PARVB: variants seen among roughly 807,000 people sequenced by gnomAD.
PARVB encodes the protein beta-parvin.
Under a neutral mutation model 47.0 loss-of-function variants are expected in PARVB, and 46 were observed. The ratio of observed to expected loss-of-function variants is 0.98; its 90% CI spans 0.77 to 1.25. The LOEUF is 1.25. Ranked by LOEUF, PARVB falls within the 50% of genes most tolerant of loss-of-function variation. The pLI is 0.00. For missense variants in PARVB, 473 were observed against 471.6 expected (o/e 1.00, Z -0.03); for synonymous variants, 196 against 196.3 (o/e 1.00, Z 0.01).
intron 1 of PARVB, among the ~76,000 whole-genome samples, chr22:44,043,727 A>G (rs1213116263): frequency 6.6e-6 from 1 of 152,176 alleles, no homozygotes; most frequent in Non-Finnish European, 1.5e-5. Context: ...ATTCTGTCTC[A>G]ATAAAGCTGG....
In PARVB at chr22:44,068,021, C is replaced by T. The variant is rs543792981; in HGVS notation, c.113-25907C>T. ...GGAGTGGGCCAGGCATGTCCCAGTC[C>T]ACTGCCTGCCCCAGAGCCCCGCCTG... On this transcript the variant is annotated intron_variant, in intron 1 of 12. Coordinates refer to ENST00000338758, the MANE Select transcript of PARVB (RefSeq NM_013327.5). This position sits in a 1 kb window ranked among gnomAD's most constrained non-coding sequence, Gnocchi z 4.1. Among the ~76,000 whole-genome samples the T allele has an allele frequency of 4.6e-5, 7 of 152,270 alleles. No individual in the cohort carries two copies. The highest frequency in any genetic ancestry group is 1.4e-4 in the African/African-American group (6 of 41,564).
upstream of PARVB, among the ~76,000 whole-genome samples, chr22:44,020,261 C>T (rs1174207710): frequency 6.6e-6 from 1 of 151,734 alleles, no homozygotes. Context: ...ACTGCAACCT[C>T]GACCTCCTGG....
At chr22:44,019,836 A>T (rs77778074), upstream of PARVB, among the ~76,000 whole-genome samples, 1 of 152,234 alleles carries the variant, frequency 6.6e-6, no homozygotes, top group African/African-American at 2.4e-5. Flanking sequence ...TTGAATTTCA[A>T]TATGGGGTTT....
intron 1 of PARVB, among the ~76,000 whole-genome samples, chr22:44,031,773 T>G (rs1264760586): frequency 6.6e-6 from 1 of 152,158 alleles, no homozygotes; most frequent in Admixed American, 6.5e-5. Context: ...GGGTGTTTAT[T>G]GGATGTAAGT....
At chr22:44,146,516 G>A (rs2053687466) in intron 8 of PARVB, 1 of 152,374 alleles carries the variant, frequency 6.6e-6, no homozygotes, top group Non-Finnish European at 1.5e-5. Context: ...GCCACGGAAG[G>A]GGCTACTTGG....
At chr22:44,141,387 C>T (rs377077913) in intron 8 of PARVB, 5 of 152,372 alleles carry the variant, frequency 3.3e-5, no homozygotes, top group African/African-American at 1.2e-4. Flanking sequence ...AGCTGTAGAA[C>T]CTGGAGTTTG....
chr22:44,027,084 G>T (rs13057455), intron 1 of PARVB, among the ~76,000 whole-genome samples: 23,462 of 151,946 alleles, frequency 0.15, 1,945 homozygotes, highest in Admixed American at 0.2. Flanking sequence ...TGGTGGCCTG[G>T]GTCAGAAAAG....
At chr22:44,143,803 G>T (rs971998317) in intron 8 of PARVB, 1 of 152,488 alleles carries the variant, frequency 6.6e-6, no homozygotes, top group African/African-American at 2.4e-5. Flanking sequence ...TTCTCCGCGG[G>T]CGGCCCTTCC....
chr22:44,036,032 C>A (rs891823538), intron 1 of PARVB, among the ~76,000 whole-genome samples: 11 of 151,924 alleles, frequency 7.2e-5, no homozygotes, highest in Non-Finnish European at 1.6e-4. Context: ...CCGAGGCGGG[C>A]GGATCACTTA....
intron 2 of PARVB, among the ~76,000 whole-genome samples, chr22:44,005,245 G>T (rs141348002): frequency 1.5e-3 from 220 of 150,496 alleles, no homozygotes; most frequent in African/African-American, 5.0e-3. Context: ...GACTATAGGC[G>T]TGTGCCACCG....
chr22:44,078,185 C>T (rs2051820676), intron 1 of PARVB, among the ~76,000 whole-genome samples: 1 of 152,178 alleles, frequency 6.6e-6, no homozygotes. Flanking sequence ...CTGTGTTGAA[C>T]TGGCTGGACA....
chr22:44,024,486 A>G (rs1314867265), intron 1 of PARVB, 35 bp downstream of exon 1: 28 of 1,096,212 alleles, frequency 2.6e-5, no homozygotes, highest in Non-Finnish European at 3.1e-5. Context: ...ACCCCCGGGG[A>G]CCTGCCCGGC....
chr22:44,015,415 C>T (rs1355747645), intron 2 of PARVB, among the ~76,000 whole-genome samples: 2 of 152,184 alleles, frequency 1.3e-5, no homozygotes, highest in Non-Finnish European at 2.9e-5. Context: ...TACCTGGGGC[C>T]AGGCGTACCC....
At chr22:44,007,665 A>G (rs2050479866) in intron 2 of PARVB, among the ~76,000 whole-genome samples, 1 of 152,216 alleles carries the variant, frequency 6.6e-6, no homozygotes, top group Non-Finnish European at 1.5e-5. Flanking sequence ...CAGGCTTTAA[A>G]AAAGTTTTTT....
chr22:44,011,154 C>T (rs1294224689), intron 2 of PARVB, among the ~76,000 whole-genome samples: 1 of 151,924 alleles, frequency 6.6e-6, no homozygotes, highest in East Asian at 1.9e-4. Context: ...AAATATTTTT[C>T]ATAGAGATGG....
At chr22:44,071,991 C>G (rs1368722165) in intron 1 of PARVB, among the ~76,000 whole-genome samples, 3 of 152,230 alleles carry the variant, frequency 2.0e-5, no homozygotes, top group African/African-American at 7.2e-5. Context: ...CTCCTTCCCT[C>G]CCTCCCTCGC....
Position 44,155,529 on chromosome 22 carries a change from G to T in PARVB, c.844-2453G>T, listed in dbSNP as rs2053912188. Among the ~76,000 whole-genome samples, 1 of 152,176 alleles carries T rather than the reference G, an allele frequency of 6.6e-6. No individual in the cohort carries two copies. Among genetic ancestry groups the T allele is most frequent in the African/African-American group, 2.4e-5 (1 of 41,446 alleles). On this transcript the variant is annotated intron_variant, in intron 10 of 12. Transcript: ENST00000338758. The surrounding 1 kb of genome is among the most constrained non-coding windows in gnomAD (Gnocchi z 4.8). ...ACGGAAGGAAGAAAAGACTCAGCAG[G>T]CTCAGGGCCTGCGGGAGCAGCGGCG... is the stretch of plus-strand genomic sequence containing the variant.
intron 5 of PARVB, among the ~76,000 whole-genome samples, chr22:44,132,329 G>A (rs1356971931): frequency 2.0e-5 from 3 of 152,202 alleles, no homozygotes; most frequent in Non-Finnish European, 4.4e-5. Context: ...GGGGAATCGG[G>A]TGCCTTGTAA....
At chr22:44,165,090 T>G (rs2147188708) in intron 12 of PARVB, among the ~76,000 whole-genome samples, 1 of 152,304 alleles carries the variant, frequency 6.6e-6, no homozygotes, top group African/African-American at 2.4e-5. Context: ...CCTCTTGGGT[T>G]CACAGCATCC....
Sources: allele counts gnomAD v4.1 joint callset (sites outside exome capture counted in the v4.1 genomes callset), GRCh38; gene constraint gnomAD v4.1.1; non-coding constraint Gnocchi (gnomAD v3.1); transcripts MANE v1.5; gene names NCBI Gene and HGNC (gene_info 2026-07-23, HGNC 2026-07-21).